The following KAZN variants were observed in gnomAD, a reference collection of about 807,000 sequenced individuals.
KAZN encodes kazrin.
A neutral mutation model predicts 87.4 loss-of-function variants in KAZN; 40 were observed. The observed-to-expected ratio is 0.46, with a 90% CI of 0.36 to 0.60. The LOEUF (loss-of-function observed/expected upper bound fraction) is 0.60. Among genes scored for constraint, KAZN ranks in the 20% least tolerant of loss-of-function variants. The probability of loss-of-function intolerance (pLI) is 0.00; values close to 1 mark genes in which losing one functional copy is unlikely to be tolerated. For synonymous variants in KAZN, 466 were observed against 458.3 expected (o/e 1.02, Z -0.22); for missense variants, 898 against 1,073.9 (o/e 0.84, Z 2.29).
chr1:14,632,037 T>C (rs932887559), intron 1 of KAZN, among the ~76,000 whole-genome samples: 5 of 152,322 alleles, frequency 3.3e-5, no homozygotes, highest in African/African-American at 1.2e-4. Flanking sequence ...GCCAAACTGC[T>C]AAGTTTTTAA....
intron 2 of KAZN, among the ~76,000 whole-genome samples, chr1:14,991,337 A>AAG (rs35414060): frequency 0.38 from 57,240 of 151,374 alleles, 11,640 homozygotes; most frequent in African/African-American, 0.53. Flanking sequence ...CCTGGTGACA[A>AAG]AGAGACTCTG....
chr1:15,067,672 AAAC>A, intron 8 of KAZN: 1 of 985,434 alleles, frequency 1.0e-6, no homozygotes, highest in Non-Finnish European at 1.2e-6. Flanking sequence ...TCTCAAGAAC[AAAC>A]AACACTTTCC....
chr1:14,681,145 G>C (rs1480975564), intron 1 of KAZN, among the ~76,000 whole-genome samples: 2 of 152,118 alleles, frequency 1.3e-5, no homozygotes, highest in African/African-American at 4.8e-5. Context: ...CCGCCCCCAT[G>C]ATCCAAACAC....
At chr1:14,851,388 C>T (rs932211093) in intron 1 of KAZN, among the ~76,000 whole-genome samples, 1 of 152,228 alleles carries the variant, frequency 6.6e-6, no homozygotes, top group African/African-American at 2.4e-5. Flanking sequence ...CCCATACTGC[C>T]AGCCTTCAGC....
chr1:14,610,747 C>T (rs917228953), intron 1 of KAZN, among the ~76,000 whole-genome samples: 5 of 151,910 alleles, frequency 3.3e-5, no homozygotes, highest in Admixed American at 1.3e-4. Context: ...AATACACCTG[C>T]ATGGAGACTA....
intron 1 of KAZN, among the ~76,000 whole-genome samples, chr1:14,789,088 G>T (rs1645596016): frequency 6.6e-6 from 1 of 152,206 alleles, no homozygotes; most frequent in Non-Finnish European, 1.5e-5. Context: ...GCGGATGAGG[G>T]TCTTACATGT....
At chr1:14,739,952 A>C (rs890047191) in intron 1 of KAZN, among the ~76,000 whole-genome samples, 4 of 152,086 alleles carry the variant, frequency 2.6e-5, no homozygotes, top group African/African-American at 9.7e-5. Flanking sequence ...TGTCACCCTG[A>C]ATCCTTTTGG....
intron 1 of KAZN, among the ~76,000 whole-genome samples, chr1:14,041,705 A>C (rs772746658): frequency 4.3e-4 from 65 of 151,952 alleles, no homozygotes; most frequent in Admixed American, 1.5e-3. Flanking sequence ...TTTCATCCAA[A>C]GTCTTCTTTT....
chr1:14,261,637 G>T (rs936571930), intron 2 of KAZN, among the ~76,000 whole-genome samples: 1 of 152,144 alleles, frequency 6.6e-6, no homozygotes, highest in African/African-American at 2.4e-5. Context: ...GCTGACATTT[G>T]GGGGTGGAAG....
chr1:14,638,081 G>A (rs569011398), intron 1 of KAZN, among the ~76,000 whole-genome samples: 7 of 152,156 alleles, frequency 4.6e-5, no homozygotes, highest in East Asian at 3.9e-4. Context: ...CTTCGTCTCC[G>A]TGTGTCCTCT....
intron 1 of KAZN, among the ~76,000 whole-genome samples, chr1:14,004,592 T>TA (rs1467810608): frequency 2.0e-5 from 3 of 152,200 alleles, no homozygotes; most frequent in Non-Finnish European, 2.9e-5. Context: ...GAGAATTTCC[T>TA]AGGGAGTACT....
intron 2 of KAZN, among the ~76,000 whole-genome samples, chr1:14,479,660 A>G (rs1668959767): frequency 6.6e-6 from 1 of 152,034 alleles, no homozygotes; most frequent in Non-Finnish European, 1.5e-5. Context: ...TATTTCTATC[A>G]TCGCTCCTAT....
upstream of KAZN, among the ~76,000 whole-genome samples, chr1:14,596,402 CCTCT>C (rs1194486686): frequency 2.6e-5 from 4 of 152,104 alleles, no homozygotes; most frequent in East Asian, 5.8e-4. Context: ...ACATTCCCAT[CCTCT>C]CTATTTGTGT....
At chr1:14,381,652 A>C (rs1375950028) in intron 2 of KAZN, among the ~76,000 whole-genome samples, 1 of 152,180 alleles carries the variant, frequency 6.6e-6, no homozygotes, top group African/African-American at 2.4e-5. Context: ...CCCTCAAAAA[A>C]CTAGGTATAG....
At chr1:14,113,968 G>A (rs1644554356) in intron 1 of KAZN, among the ~76,000 whole-genome samples, 1 of 152,196 alleles carries the variant, frequency 6.6e-6, no homozygotes, top group African/African-American at 2.4e-5. Flanking sequence ...GGGTAGGAAG[G>A]GAAAAGCTCA....
At chr1:14,221,914 C>T (rs1465177125) in intron 2 of KAZN, 2 of 152,082 alleles carry the variant, frequency 1.3e-5, no homozygotes, top group African/African-American at 4.8e-5. Context: ...TTTCCATTTA[C>T]TTGATGAAAG....
intron 2 of KAZN, among the ~76,000 whole-genome samples, chr1:14,971,280 C>T (rs748463797): frequency 3.3e-5 from 5 of 152,168 alleles, no homozygotes; most frequent in Admixed American, 6.5e-5. Flanking sequence ...TGCCTGTAAT[C>T]CCAGCTACTC....
intron 2 of KAZN, among the ~76,000 whole-genome samples, chr1:14,508,664 C>T (rs1670740838): frequency 6.6e-6 from 1 of 152,222 alleles, no homozygotes; most frequent in Non-Finnish European, 1.5e-5. Context: ...GCTTAGAGGA[C>T]CCAAGGGTCC....
intron 2 of KAZN, among the ~76,000 whole-genome samples, chr1:14,290,843 T>A (rs559012313): frequency 1.3e-5 from 2 of 152,258 alleles, no homozygotes; most frequent in Non-Finnish European, 2.9e-5. Context: ...TTGATGTTGG[T>A]GAACTACAGA....
Sources: gnomAD v4.1 joint callset for allele counts (sites outside exome capture counted in the v4.1 genomes callset) on GRCh38, gnomAD v4.1.1 for gene constraint, MANE v1.5 for transcripts, NCBI Gene and HGNC (gene_info 2026-07-23, HGNC 2026-07-21) for gene names.